The following PALM2AKAP2 variants were observed in gnomAD, a reference collection of about 807,000 sequenced individuals.
The protein encoded by PALM2AKAP2 is PALM2-AKAP2 fusion protein.
In PALM2AKAP2, 37 loss-of-function variants were observed where a neutral mutation model predicts 71.5. The ratio of observed to expected loss-of-function variants is 0.52; its 90% confidence interval spans 0.40 to 0.68. The LOEUF is 0.68. Ranked by LOEUF, PALM2AKAP2 falls within the 30% of genes least tolerant of loss-of-function variation. The probability of loss-of-function intolerance (pLI) is 0.00; values close to 1 mark genes in which losing one functional copy is unlikely to be tolerated. For missense variants in PALM2AKAP2, 1,224 were observed against 1,191.8 expected (o/e 1.03, Z -0.40); for synonymous variants, 468 against 478.8 (o/e 0.98, Z 0.29).
At chr9:109,951,053 G>C (rs575927774) in intron 6 of PALM2AKAP2, among the ~76,000 whole-genome samples, 7 of 152,298 alleles carry the variant, frequency 4.6e-5, no homozygotes, top group East Asian at 3.9e-4. Context: ...TTCTTTGCAG[G>C]GTTCTGGAAC....
chr9:109,988,881 C>T (rs948721782), intron 6 of PALM2AKAP2, among the ~76,000 whole-genome samples: 1 of 152,128 alleles, frequency 6.6e-6, no homozygotes, highest in Non-Finnish European at 1.5e-5. Flanking sequence ...GTGGTTTCCC[C>T]CACTGTTCTC....
At chr9:110,083,081 T>C (rs1258704343) in intron 1 of PALM2AKAP2, among the ~76,000 whole-genome samples, 2 of 152,124 alleles carry the variant, frequency 1.3e-5, no homozygotes, top group Non-Finnish European at 2.9e-5. Flanking sequence ...GCGGAGGTTG[T>C]GGTGAGTCAA....
intron 1 of PALM2AKAP2, among the ~76,000 whole-genome samples, chr9:109,730,123 A>G (rs1209549003): frequency 6.6e-6 from 1 of 152,200 alleles, no homozygotes; most frequent in Non-Finnish European, 1.5e-5. Flanking sequence ...TCTCTTGATG[A>G]AAGGAAAGAG....
intron 3 of PALM2AKAP2, among the ~76,000 whole-genome samples, chr9:109,914,978 T>C (rs1355426086): frequency 6.6e-6 from 1 of 152,244 alleles, no homozygotes; most frequent in African/African-American, 2.4e-5. Flanking sequence ...CCTTGGTTTT[T>C]CTACTCCTTT....
chr9:109,822,423 T>C (rs1280233795), intron 1 of PALM2AKAP2, among the ~76,000 whole-genome samples: 1 of 152,160 alleles, frequency 6.6e-6, no homozygotes, highest in Admixed American at 6.5e-5. Context: ...GCATTTCTTA[T>C]ATGGGTAAAT....
Position 109,880,725 on chromosome 9 carries a change from G to GT in PALM2AKAP2, c.257+45dup, listed in dbSNP as rs1447618279. 1.9e-6 allele frequency: 3 copies of GT among 1,607,516 alleles called. No individual in the cohort carries two copies. In the East Asian group the frequency reaches 6.7e-5, roughly 36 times the overall value. ...AGGGAACCCATGCTACAGTTTTTCA[G>GT]TGCAGTAACCACTGCTCTCCTCTAG... is the stretch of plus-strand genomic sequence containing the variant. On this transcript the variant is annotated intron_variant, in intron 3 of 9. Transcript: ENST00000302798.
intron 3 of PALM2AKAP2, among the ~76,000 whole-genome samples, chr9:109,902,097 G>A (rs911871894): frequency 4.6e-5 from 7 of 152,104 alleles, no homozygotes; most frequent in Non-Finnish European, 8.8e-5. Flanking sequence ...CAGCGAAAAG[G>A]GTACGTTTTT....
intron 3 of PALM2AKAP2, among the ~76,000 whole-genome samples, chr9:109,919,898 G>C (rs528614243): frequency 2.2e-4 from 34 of 152,234 alleles, no homozygotes; most frequent in Admixed American, 1.9e-3. Flanking sequence ...ACACTTCTGT[G>C]AGTAGGCTGG....
intron 1 of PALM2AKAP2, among the ~76,000 whole-genome samples, chr9:109,690,897 C>T (rs1827873375): frequency 6.6e-6 from 1 of 152,116 alleles, no homozygotes; most frequent in Admixed American, 6.5e-5. Flanking sequence ...TGTCTCCTAA[C>T]TTCAGCATAT....
exon 4 of PALM2AKAP2, chr9:110,170,210 GAAAAA>G (rs947270981): frequency 2.7e-5 from 4 of 149,202 alleles, no homozygotes; most frequent in African/African-American, 7.4e-5. Flanking sequence ...CCATGAGAAA[GAAAAA>G]AAAATAAACA....
intron 1 of PALM2AKAP2, among the ~76,000 whole-genome samples, chr9:109,766,203 T>A (rs546630572): frequency 1.3e-5 from 2 of 152,304 alleles, no homozygotes; most frequent in South Asian, 4.1e-4. Flanking sequence ...GTTTTGCCCA[T>A]AAAAGGGCCA....
chr9:110,156,920 G>T (rs561428670), intron 3 of PALM2AKAP2, among the ~76,000 whole-genome samples: 1 of 152,122 alleles, frequency 6.6e-6, no homozygotes, highest in Admixed American at 6.6e-5. Flanking sequence ...CTTCAAAGCC[G>T]ACACTCTAGG....
chr9:109,827,128 C>T (rs73533256), intron 1 of PALM2AKAP2, among the ~76,000 whole-genome samples: 176 of 152,286 alleles, frequency 1.2e-3, no homozygotes, highest in African/African-American at 3.9e-3. Flanking sequence ...TAAAAAGTCT[C>T]ACTGCTATTC....
intron 1 of PALM2AKAP2, among the ~76,000 whole-genome samples, chr9:110,060,619 T>G (rs1303677299): frequency 6.6e-6 from 1 of 151,894 alleles, no homozygotes; most frequent in Non-Finnish European, 1.5e-5. Context: ...TTTGTTTGTT[T>G]TAGATGGAAT....
intron 1 of PALM2AKAP2, among the ~76,000 whole-genome samples, chr9:109,659,239 C>T (rs1342513116): frequency 6.6e-6 from 1 of 152,090 alleles, no homozygotes; most frequent in Non-Finnish European, 1.5e-5. Flanking sequence ...ATTTAAATAC[C>T]ACACAATGAA....
intron 1 of PALM2AKAP2, among the ~76,000 whole-genome samples, chr9:109,701,622 A>G (rs943340990): frequency 2.6e-5 from 4 of 152,268 alleles, no homozygotes; most frequent in African/African-American, 9.6e-5. Flanking sequence ...TAAATGGTAG[A>G]CCTAAAACCA....
At chr9:109,880,486 A>T in intron 2 of PALM2AKAP2, 65 bp from the exon 3 acceptor site, 2 of 1,585,326 alleles carry the variant, frequency 1.3e-6, no homozygotes, top group Non-Finnish European at 1.7e-6. Context: ...GCACCACTGC[A>T]GAGGGAGAGG....
At chr9:109,922,190 C>T (rs1417037867) in intron 3 of PALM2AKAP2, among the ~76,000 whole-genome samples, 1 of 151,714 alleles carries the variant, frequency 6.6e-6, no homozygotes, top group Non-Finnish European at 1.5e-5. Flanking sequence ...GAGCCTGAGG[C>T]AGGAGGATTG....
chr9:109,742,865 C>T (rs1041734603), intron 1 of PALM2AKAP2, among the ~76,000 whole-genome samples: 1 of 152,080 alleles, frequency 6.6e-6, no homozygotes, highest in Non-Finnish European at 1.5e-5. Flanking sequence ...CAGAAAGGCT[C>T]AGAAACAAGA....
Sources: gnomAD v4.1 joint callset for allele counts (sites outside exome capture counted in the v4.1 genomes callset) on GRCh38, gnomAD v4.1.1 for gene constraint, MANE v1.5 for transcripts, NCBI Gene and HGNC (gene_info 2026-07-23, HGNC 2026-07-21) for gene names.